The following CNOT6 variants were observed in gnomAD, a reference collection of about 807,000 sequenced individuals.
The protein encoded by CNOT6 is CCR4-NOT transcription complex subunit 6, also known as carbon catabolite repression 4 protein.
In CNOT6, 12 loss-of-function variants were observed where a neutral mutation model predicts 61.2. That is an observed-to-expected ratio of 0.20 (90% CI 0.13 to 0.32). The LOEUF (loss-of-function observed/expected upper bound fraction) is 0.32, where lower values mean the gene tolerates loss of function less well. Ranked by LOEUF, CNOT6 falls within the 10% of genes least tolerant of loss-of-function variation. The pLI is 1.00. For synonymous variants in CNOT6, 225 were observed against 240.6 expected (o/e 0.94, Z 0.60); for missense variants, 405 against 663.9 (o/e 0.61, Z 4.28).
chr5:180,528,422 T>C (rs1758198504), intron 1 of CNOT6, among the ~76,000 whole-genome samples: 1 of 152,162 alleles, frequency 6.6e-6, no homozygotes, highest in Admixed American at 6.5e-5. Flanking sequence ...GCCATTCTCC[T>C]GCCTCAGCCT....
chr5:180,564,831 C>A, intron 6 of CNOT6, 88 bp downstream of exon 6: 1 of 1,030,540 alleles, frequency 9.7e-7, no homozygotes, highest in Non-Finnish European at 1.5e-6. Context: ...TTACAGGTAG[C>A]ATTAAGACAA....
intron 1 of CNOT6, among the ~76,000 whole-genome samples, chr5:180,502,993 A>C (rs1011814509): frequency 6.6e-6 from 1 of 152,190 alleles, no homozygotes; most frequent in African/African-American, 2.4e-5. Context: ...TTATAGACTA[A>C]AGAATTGTCA....
At chr5:180,497,308 C>T (rs905070700) in intron 1 of CNOT6, among the ~76,000 whole-genome samples, 29 of 128,728 alleles carry the variant, frequency 2.3e-4, no homozygotes, top group Non-Finnish European at 3.0e-4. Context: ...CCCTGGGCAA[C>T]GAGTGAAACT....
intron 10 of CNOT6, among the ~76,000 whole-genome samples, chr5:180,569,899 A>G (rs1760655398): frequency 6.6e-6 from 1 of 152,234 alleles, no homozygotes; most frequent in Admixed American, 6.5e-5. Flanking sequence ...GATAGTATAC[A>G]ATAAACAGTA....
At chr5:180,531,044 C>T (rs180694991) in intron 2 of CNOT6, among the ~76,000 whole-genome samples, 4,049 of 152,314 alleles carry the variant, frequency 0.027, 76 homozygotes, top group Admixed American at 0.04. Flanking sequence ...ACAAAACCGC[C>T]GTTGTCATCA....
chr5:180,500,652 A>G (rs2127690005), intron 1 of CNOT6, among the ~76,000 whole-genome samples: 1 of 152,326 alleles, frequency 6.6e-6, no homozygotes, highest in South Asian at 2.1e-4. Context: ...TACTTGTTTA[A>G]TACTAGTTTT....
At chr5:180,523,510 C>T (rs927587267) in intron 1 of CNOT6, among the ~76,000 whole-genome samples, 4 of 152,184 alleles carry the variant, frequency 2.6e-5, no homozygotes, top group South Asian at 2.1e-4. Flanking sequence ...CTCCCCCTTT[C>T]TTAGGGTTCT....
chr5:180,529,750 T>C (rs1758264132), intron 2 of CNOT6, among the ~76,000 whole-genome samples: 1 of 152,252 alleles, frequency 6.6e-6, no homozygotes. Context: ...ATTGAGCTTT[T>C]GCATTGTCAA....
chr5:180,516,771 A>G (rs998936380), intron 1 of CNOT6, among the ~76,000 whole-genome samples: 3 of 152,162 alleles, frequency 2.0e-5, no homozygotes, highest in African/African-American at 7.2e-5. Flanking sequence ...ATATTCCTTA[A>G]TTCTCTTCAA....
chr5:180,519,432 G>T (rs1162090484), intron 1 of CNOT6, among the ~76,000 whole-genome samples: 1 of 152,152 alleles, frequency 6.6e-6, no homozygotes, highest in East Asian at 1.9e-4. Context: ...TACTTATTTA[G>T]CAAAAGTTCG....
intron 2 of CNOT6, among the ~76,000 whole-genome samples, chr5:180,546,339 T>G (rs1561652874): frequency 1.3e-5 from 2 of 152,260 alleles, no homozygotes; most frequent in Non-Finnish European, 2.9e-5. Context: ...CTATTTTTTC[T>G]TCACTGTCTT....
chr5:180,545,138 A>G (rs549641634), intron 2 of CNOT6, among the ~76,000 whole-genome samples: 22 of 152,326 alleles, frequency 1.4e-4, no homozygotes, highest in African/African-American at 4.8e-4. Context: ...TTAGATTAAG[A>G]TAGATTTTAT....
intron 2 of CNOT6, among the ~76,000 whole-genome samples, chr5:180,545,141 G>T (rs984126765): frequency 2.0e-5 from 3 of 152,164 alleles, no homozygotes; most frequent in African/African-American, 7.2e-5. Context: ...GATTAAGATA[G>T]ATTTTATTAT....
chr5:180,540,671 A>G (rs1758986319), intron 2 of CNOT6, among the ~76,000 whole-genome samples: 1 of 152,228 alleles, frequency 6.6e-6, no homozygotes, highest in Admixed American at 6.5e-5. Context: ...TAAGTATATT[A>G]AATACATTTT....
intron 4 of CNOT6, among the ~76,000 whole-genome samples, chr5:180,561,173 G>C (rs1003482870): frequency 1.3e-5 from 2 of 152,084 alleles, no homozygotes; most frequent in Non-Finnish European, 2.9e-5. Flanking sequence ...AGCTGGTCTC[G>C]AACTCCTGGC....
At chr5:180,498,487 A>C (rs1029268016) in intron 1 of CNOT6, among the ~76,000 whole-genome samples, 22 of 152,160 alleles carry the variant, frequency 1.4e-4, no homozygotes, top group African/African-American at 5.1e-4. Context: ...AGAGGGAGTC[A>C]TGTCAAACAG....
At chr5:180,568,230 CTTTTT>C (rs10601026) in intron 9 of CNOT6, among the ~76,000 whole-genome samples, 2 of 144,522 alleles carry the variant, frequency 1.4e-5, no homozygotes, top group Non-Finnish European at 1.5e-5. Context: ...ATTAAAAAAC[CTTTTT>C]TTTTTTTTTT....
In CNOT6 at chr5:180,539,515, AT is replaced by A. The variant is rs199535814; in HGVS notation, c.112+10134del. Among the ~76,000 whole-genome samples the A allele has an allele frequency of 4.5e-3, 533 of 118,762 alleles. 4 individuals are homozygous for A. The highest frequency in any genetic ancestry group is 0.013 in the African/African-American group (431 of 32,162). The allele number at this position is 118,762 out of a possible 152,430, so 77.9% of individuals were successfully genotyped here. On this transcript the variant is annotated intron_variant, in intron 2 of 11. Transcript: ENST00000261951. ...GCTTTTATAGCAACTTATTAAAATA[AT>A]TTTTTTGGGATTTGACTTCAGTACT...
chr5:180,523,739 C>G (rs1757972212), intron 1 of CNOT6, among the ~76,000 whole-genome samples: 1 of 152,152 alleles, frequency 6.6e-6, no homozygotes, highest in Admixed American at 6.5e-5. Flanking sequence ...TAACCCCCAG[C>G]ATTTCTGCAA....
Sources: allele counts gnomAD v4.1 joint callset (sites outside exome capture counted in the v4.1 genomes callset), GRCh38; gene constraint gnomAD v4.1.1; transcripts MANE v1.5; gene names NCBI Gene and HGNC (gene_info 2026-07-23, HGNC 2026-07-21).